Variants in BSN observed in about 807,000 individuals in gnomAD.
BSN encodes protein bassoon.
Under a neutral mutation model 264.8 loss-of-function variants are expected in BSN, and 57 were observed. The observed-to-expected ratio is 0.22, with a 90% CI of 0.17 to 0.27. The LOEUF (loss-of-function observed/expected upper bound fraction) is 0.27, where lower values mean the gene tolerates loss of function less well. Ranked by LOEUF, BSN falls within the 10% of genes least tolerant of loss-of-function variation. The pLI is 1.00. For synonymous variants in BSN, 2,059 were observed against 2,137.3 expected (o/e 0.96, Z 1.01); for missense variants, 4,615 against 5,232.5 (o/e 0.88, Z 3.64).
chr3:49,657,494 T>C lies in BSN; in HGVS notation c.7938T>C (p.Asp2646=), dbSNP rs750739090. Residue 2646 remains aspartate, a synonymous_variant, in exon 5 of 12, where the codon GAT becomes GAC. Transcript: ENST00000296452. ...ACTCAGGCTCTGACAGCAAGCACGA[T>C]GCCACTGCCTCATCATCCAGTGCTG... ...HSDSGSDSKH[D]ATASSSSAAA... The C allele has an allele frequency of 1.9e-5, 31 of 1,613,072 alleles. 1 individual carries two copies. In the South Asian group the frequency reaches 3.3e-4, roughly 17 times the overall value.
At position 49,570,237 on chromosome 3, in the gene BSN, G is replaced by A. The variant is rs375745301; in HGVS notation, c.224+15411G>A. Among the ~76,000 whole-genome samples the A allele has an allele frequency of 9.2e-5, 14 of 152,280 alleles. No individual in the cohort carries two copies. The East Asian group carries it at 1.9e-3, about 21-fold the overall frequency. ...ACCACCCATAGAGCAGAGTCAGAAG[G>A]GGGTTTCCTGCCAGGGCACTTTTGG... On this transcript the variant is annotated intron_variant, in intron 1 of 11. Coordinates refer to ENST00000296452, the MANE Select transcript of BSN (RefSeq NM_003458.4).
chr3:49,625,500 C>T lies in BSN; in HGVS notation c.633+117C>T. On this transcript the variant is annotated intron_variant, in intron 2 of 11. Coordinates refer to ENST00000296452, the MANE Select transcript of BSN (RefSeq NM_003458.4). The surrounding 1 kb of genome is among the most constrained non-coding windows in gnomAD (Gnocchi z 4.4). Reference sequence around the variant, plus strand: ...CCTGGTCATTTCCCTTGACCACCAGCATTTGTGTCCTCCTGCAGGGATGTG... The same window carrying T: ...CCTGGTCATTTCCCTTGACCACCAGTATTTGTGTCCTCCTGCAGGGATGTG... 12 of 1,045,928 alleles carry T rather than the reference C, an allele frequency of 1.1e-5. No individual in the cohort carries two copies. Among genetic ancestry groups the T allele is most frequent in the Non-Finnish European group, 1.5e-5 (12 of 778,840 alleles). The allele number at this position is 1,045,928 out of a possible 1,614,324, so 64.8% of individuals were successfully genotyped here. A position where few individuals can be genotyped will look rare whatever the true frequency, so the allele number is the denominator to read the frequency against.
chr3:49,630,016 A>G (rs1050652068), intron 2 of BSN, among the ~76,000 whole-genome samples: 8 of 152,202 alleles, frequency 5.3e-5, no homozygotes, highest in African/African-American at 1.9e-4. Context: ...GAGACAGTGC[A>G]GTGGCTCCGA....
chr3:49,645,898 C>CT (rs1252487442), intron 3 of BSN, among the ~76,000 whole-genome samples: 1 of 152,184 alleles, frequency 6.6e-6, no homozygotes, highest in African/African-American at 2.4e-5. Context: ...CTCTCTGGAC[C>CT]TTGCCTGCTT....
chr3:49,586,431 A>G (rs372284298), intron 1 of BSN, among the ~76,000 whole-genome samples: 4 of 152,080 alleles, frequency 2.6e-5, no homozygotes, highest in African/African-American at 4.8e-5. Context: ...CTGGAGTGCA[A>G]TGGCACAATC....
chr3:49,649,550 G>C (rs912613879), intron 3 of BSN, among the ~76,000 whole-genome samples: 2 of 152,216 alleles, frequency 1.3e-5, no homozygotes, highest in Non-Finnish European at 2.9e-5. Flanking sequence ...ACATGCCCCT[G>C]TCAGCCTCAG....
At chr3:49,560,003 T>C (rs1357364501) in intron 1 of BSN, among the ~76,000 whole-genome samples, 1 of 152,168 alleles carries the variant, frequency 6.6e-6, no homozygotes, top group Non-Finnish European at 1.5e-5. Flanking sequence ...TTTCTAAAGA[T>C]CTCCTTCCTC....
chr3:49,655,859 G>A lies in BSN; in HGVS notation c.6303G>A (p.Met2101Ile). 1.9e-6 allele frequency: 3 copies of A among 1,613,278 alleles called. No individual in the cohort carries two copies. Among genetic ancestry groups the A allele is most frequent in the Middle Eastern group, 3.3e-4 (2 of 6,062 alleles). The change falls in exon 5 of 12, where the codon ATG becomes ATA. Residue 2101 changes from methionine to isoleucine, a missense_variant. Coordinates refer to ENST00000296452, the MANE Select transcript of BSN (RefSeq NM_003458.4). ...CCACAGCCCGTGAAATCAGTCGCAT[G>A]TGCGCTGCCCTCAACTCCATGGACC... ...SATTAREISR[M>I]CAALNSMDQY... is the part of the protein sequence containing the mutation.
chr3:49,559,874 A>C (rs1165822297), intron 1 of BSN, among the ~76,000 whole-genome samples: 1 of 152,178 alleles, frequency 6.6e-6, no homozygotes, highest in Non-Finnish European at 1.5e-5. Flanking sequence ...CTAGCTTTTT[A>C]AAAAAGAGTT....
rs757694049 is a variant in BSN at position 49,654,262 on chromosome 3, C to T, written c.4706C>T (p.Thr1569Ile). The T allele has an allele frequency of 2.5e-6, 4 of 1,612,992 alleles. No homozygotes were observed. The highest frequency in any genetic ancestry group is 3.4e-6 in the Non-Finnish European group (4 of 1,179,646). Residue 1569 changes from threonine (T) to isoleucine (I), a missense_variant, in exon 5 of 12, where the codon ACC (threonine) becomes ATC (isoleucine). This residue lies in a region of BSN where 3,415 missense variants were observed against 3,866.4 expected (regional missense o/e 0.88). Transcript: ENST00000296452. The surrounding 1 kb of genome is among the most constrained non-coding windows in gnomAD (Gnocchi z 4.1). ...CTGGCATCTGACGCCTCCAGCCAGA[C>T]CAGGATGGTACATGCCAGTGCCTCC... Reference protein sequence around the residue: ...ITLASDASSQTRMVHASASTS... With the variant: ...ITLASDASSQIRMVHASASTS...
In BSN at chr3:49,571,693, C is replaced by T. The variant is rs114041016; in HGVS notation, c.224+16867C>T. ...TTCATCCCTTTCTTCCTCCAACTGC[C>T]ATGGACATGGGGGATAACTCTGTAA... On this transcript the variant is annotated intron_variant, in intron 1 of 11. Transcript: ENST00000296452. Among the ~76,000 whole-genome samples the T allele has an allele frequency of 6.7e-3, 1,025 of 152,224 alleles. 9 individuals are homozygous for T. The highest frequency in any genetic ancestry group is 0.024 in the African/African-American group (976 of 41,520).
chr3:49,659,299 C>T (rs1411924737), intron 5 of BSN, among the ~76,000 whole-genome samples: 1 of 152,024 alleles, frequency 6.6e-6, no homozygotes, highest in Non-Finnish European at 1.5e-5. Context: ...GCTGCAGGCA[C>T]AGAGGTCCCA....
intron 2 of BSN, among the ~76,000 whole-genome samples, chr3:49,635,494 C>T (rs1003265506): frequency 1.3e-5 from 2 of 152,140 alleles, no homozygotes; most frequent in Non-Finnish European, 2.9e-5. Context: ...TTACCCCCAA[C>T]CTCAAGTTAT....
Position 49,642,647 on chromosome 3 carries a change from C to T in BSN, c.1013C>T (p.Ala338Val), listed in dbSNP as rs754781947. ...ACCGCAGTGCCCGCTGGGCTTGGTG[C>T]CACTGAGCAGACCCAGGAGGGCCTC... ...SATAVPAGLG[A>V]TEQTQEGLTG... The change falls in exon 3 of 12, where the codon GCC becomes GTC. Residue 338 changes from alanine to valine, a missense_variant. Around this residue, in one of 3 missense-constraint regions of BSN, gnomAD observed 1,197 missense variants for 1,348.0 expected, o/e 0.89. Transcript: ENST00000296452. The surrounding 1 kb of genome is among the most constrained non-coding windows in gnomAD (Gnocchi z 7.0). 1.9e-6 allele frequency: 3 copies of T among 1,604,776 alleles called. No homozygotes were observed. Among genetic ancestry groups the T allele is most frequent in the South Asian group, 2.2e-5 (2 of 90,222 alleles).
rs1242447864 is a variant in BSN at position 49,625,777 on chromosome 3, T to C, written c.633+394T>C. ...CAGAGGGAGGCAAATTTCCCTGATC[T>C]AGGCCAGGAGGCCTCTGTCTTTGAC... On this transcript the variant is annotated intron_variant, in intron 2 of 11. Coordinates refer to ENST00000296452, the MANE Select transcript of BSN (RefSeq NM_003458.4). The surrounding 1 kb of genome is among the most constrained non-coding windows in gnomAD (Gnocchi z 4.4). Among the ~76,000 whole-genome samples, 1 of 152,186 alleles carries C rather than the reference T, an allele frequency of 6.6e-6. No homozygotes were observed. The highest frequency in any genetic ancestry group is 1.5e-5 in the Non-Finnish European group (1 of 68,024).
chr3:49,636,683 G>T (rs995736479), intron 2 of BSN, among the ~76,000 whole-genome samples: 1 of 152,226 alleles, frequency 6.6e-6, no homozygotes, highest in African/African-American at 2.4e-5. Flanking sequence ...CTTCCTCAGG[G>T]CTCTGATAGA....
At position 49,556,716 on chromosome 3, in the gene BSN, A is replaced by G. The variant is rs1231440204; in HGVS notation, c.224+1890A>G. On this transcript the variant is annotated intron_variant, in intron 1 of 11. Transcript: ENST00000296452. ...GGCTTATCTCTCCTTTAGTATTGCA[A>G]TGGCTTCTACTTCCTCTCACTAGAG... is the stretch of plus-strand genomic sequence containing the variant. Among the ~76,000 whole-genome samples the G allele has an allele frequency of 3.9e-5, 6 of 152,268 alleles. 1 individual carries two copies. In the South Asian group the frequency reaches 6.2e-4, roughly 16 times the overall value.
chr3:49,606,326 T>TATATATTATATATATTAAA (rs1559603754), intron 1 of BSN, among the ~76,000 whole-genome samples: 10 of 46,680 alleles, frequency 2.1e-4, no homozygotes, highest in African/African-American at 4.5e-4. Flanking sequence ...ATATTAAAAA[T>TATATATTATATATATTAAA]ATATATATAT....
Position 49,661,221 on chromosome 3 carries a change from A to C in BSN, c.9376A>C (p.Thr3126Pro), listed in dbSNP as rs202106653. Residue 3126 changes from threonine (T) to proline (P), a missense_variant, in exon 6 of 12, where the codon ACC (threonine) becomes CCC (proline). This residue lies in a region of BSN where 3,415 missense variants were observed against 3,866.4 expected (regional missense o/e 0.88). Coordinates refer to ENST00000296452, the MANE Select transcript of BSN (RefSeq NM_003458.4). ...GHYAGQTPMP[T>P]TQSTLFPVPA... The stretch of plus-strand genomic sequence containing the variant: ...CTATGCAGGCCAAACACCCATGCCA[A>C]CCACACAGAGCACCCTTTTTCCAGT... The C allele has an allele frequency of 6.2e-7, 1 of 1,613,604 alleles. No homozygotes were observed. Among genetic ancestry groups the C allele is most frequent in the Non-Finnish European group, 8.5e-7 (1 of 1,179,996 alleles).
Sources: allele counts gnomAD v4.1 joint callset (sites outside exome capture counted in the v4.1 genomes callset), GRCh38; gene constraint gnomAD v4.1.1; regional missense constraint gnomAD v4.1.1; non-coding constraint Gnocchi (gnomAD v3.1); transcripts MANE v1.5; gene names NCBI Gene and HGNC (gene_info 2026-07-23, HGNC 2026-07-21).